The following DENND6A variants were observed in gnomAD, a reference collection of about 807,000 sequenced individuals.
The protein encoded by DENND6A is protein DENND6A.
Under a neutral mutation model 95.5 loss-of-function variants are expected in DENND6A, and 43 were observed. The observed-to-expected ratio is 0.45, with a 90% CI of 0.35 to 0.58. The LOEUF is 0.58. Among genes scored for constraint, DENND6A ranks in the 20% least tolerant of loss-of-function variants. The pLI, the probability that DENND6A is intolerant of heterozygous loss-of-function variation, is 0.00. For synonymous variants in DENND6A, 257 were observed against 260.4 expected (o/e 0.99, Z 0.13); for missense variants, 574 against 736.0 (o/e 0.78, Z 2.55).
At position 57,689,037 on chromosome 3, in the gene DENND6A, C is replaced by T. The variant is rs557418218; in HGVS notation, c.237+3745G>A. ...TGCAGTGGCCCGATCTTACTGCAACCTCCACCTCCCAGGTTCAAGCGATTC... is the reference window on the plus strand; with the variant it reads ...TGCAGTGGCCCGATCTTACTGCAACTTCCACCTCCCAGGTTCAAGCGATTC... On this transcript the variant is annotated intron_variant, in intron 1 of 19. Transcript: ENST00000311128. 2.6e-5 allele frequency among the ~76,000 whole-genome samples: 4 copies of T among 152,178 alleles called. No homozygotes were observed. The East Asian group carries it at 7.7e-4, about 29-fold the overall frequency.
intron 5 of DENND6A, among the ~76,000 whole-genome samples, chr3:57,661,871 G>A (rs1367939391): frequency 6.6e-6 from 1 of 152,100 alleles, no homozygotes; most frequent in Non-Finnish European, 1.5e-5. Context: ...TCAGGAATTA[G>A]CCATATGAAC....
Position 57,693,003 on chromosome 3 carries a change from G to A in DENND6A, c.16C>T (p.Pro6Ser). The part of the protein sequence containing the change: MALRG[P>S]AGLGPGSRRP... The stretch of plus-strand genomic sequence containing the variant: ...CGAGAGCCGGGCCCCAAGCCCGCAG[G>A]GCCCCTCAAAGCCATCGGCCGCCCC... Residue 6 changes from proline (P) to serine (S), a missense_variant, in exon 1 of 20, where the codon CCT (proline) becomes TCT (serine). Coordinates refer to ENST00000311128, the MANE Select transcript of DENND6A (RefSeq NM_152678.3). 1 of 1,500,364 alleles carries A rather than the reference G, an allele frequency of 6.7e-7. No homozygotes were observed. The highest frequency in any genetic ancestry group is 8.8e-7 in the Non-Finnish European group (1 of 1,136,062). The allele number at this position is 1,500,364 out of a possible 1,614,324, so 92.9% of individuals were successfully genotyped here.
At chr3:57,655,530 T>C (rs533602667) in intron 9 of DENND6A, among the ~76,000 whole-genome samples, 1 of 152,310 alleles carries the variant, frequency 6.6e-6, no homozygotes, top group South Asian at 2.1e-4. Flanking sequence ...AGCATTGACA[T>C]GATGCCACAA....
chr3:57,678,604 T>G (rs2077130315), intron 1 of DENND6A, among the ~76,000 whole-genome samples: 1 of 152,184 alleles, frequency 6.6e-6, no homozygotes, highest in Admixed American at 6.5e-5. Flanking sequence ...AATTAGGTCA[T>G]GAGTGTAGAG....
At chr3:57,680,160 G>C (rs2077150238) in intron 1 of DENND6A, among the ~76,000 whole-genome samples, 1 of 152,130 alleles carries the variant, frequency 6.6e-6, no homozygotes, top group African/African-American at 2.4e-5. Context: ...TGGATCAAAG[G>C]CCTAAATGTA....
intron 14 of DENND6A, among the ~76,000 whole-genome samples, chr3:57,633,923 A>T (rs1249579816): frequency 6.6e-6 from 1 of 151,912 alleles, no homozygotes; most frequent in South Asian, 2.1e-4. Flanking sequence ...CTATAAAGAC[A>T]ATCTTTATTT....
chr3:57,654,302 A>G (rs2071278243), intron 9 of DENND6A, among the ~76,000 whole-genome samples: 1 of 152,140 alleles, frequency 6.6e-6, no homozygotes, highest in African/African-American at 2.4e-5. Context: ...CTTTTGAGAA[A>G]GATATAGTAT....
intron 9 of DENND6A, among the ~76,000 whole-genome samples, chr3:57,648,265 A>C (rs896086795): frequency 1.3e-5 from 2 of 152,192 alleles, no homozygotes; most frequent in Non-Finnish European, 2.9e-5. Context: ...GCTGCAATAC[A>C]TAAAATACTA....
intron 9 of DENND6A, among the ~76,000 whole-genome samples, chr3:57,654,268 T>G (rs1215158774): frequency 2.0e-5 from 3 of 152,104 alleles, no homozygotes. Flanking sequence ...AATTCACTTC[T>G]AAGAATTAAA....
intron 1 of DENND6A, among the ~76,000 whole-genome samples, chr3:57,674,499 T>C (rs544029222): frequency 1.3e-5 from 2 of 151,516 alleles, no homozygotes; most frequent in Non-Finnish European, 2.9e-5. Flanking sequence ...AACATGGTGG[T>C]ACATGCCTGT....
intron 9 of DENND6A, among the ~76,000 whole-genome samples, chr3:57,655,525 T>C (rs2153415086): frequency 6.6e-6 from 1 of 152,320 alleles, no homozygotes; most frequent in East Asian, 1.9e-4. Context: ...TTTTGAGCAT[T>C]GACATGATGC....
intron 5 of DENND6A, 36 bp from the exon 6 acceptor site, chr3:57,661,587 CTT>C: frequency 4.7e-6 from 7 of 1,481,720 alleles, no homozygotes; most frequent in Non-Finnish European, 6.4e-6. Flanking sequence ...TTAAAAATTG[CTT>C]TGTCATTCAT....
intron 4 of DENND6A, 68 bp downstream of exon 4, chr3:57,666,055 G>A (rs997637073): frequency 1.0e-5 from 13 of 1,296,702 alleles, no homozygotes; most frequent in Admixed American, 3.9e-5. Context: ...TGGTGTCAGC[G>A]GTAACTGAAT....
rs1575804768 is a variant in DENND6A, at chr3:57,625,641, A to T, written c.*2573T>A. 1 of 145,644 alleles carries T rather than the reference A, an allele frequency of 6.9e-6. No individual in the cohort carries two copies. The highest frequency in any genetic ancestry group is 2.5e-5 in the African/African-American group (1 of 40,058). 9.0% of individuals were successfully genotyped at this position (145,644 alleles called of 1,614,324 possible). On this transcript the variant is annotated 3_prime_UTR_variant, in exon 20 of 20. Coordinates refer to ENST00000311128, the MANE Select transcript of DENND6A (RefSeq NM_152678.3). ...GTTTACATAGTAACAAATTCTTCTT[A>T]AAAAAAAAAAGACAAATCTAAAAAT...
chr3:57,643,947 A>C (rs2071007662), intron 11 of DENND6A, among the ~76,000 whole-genome samples: 1 of 151,798 alleles, frequency 6.6e-6, no homozygotes. Context: ...TCAGGAGTTC[A>C]AGACCAGTCT....
chr3:57,677,102 G>A (rs2071723351), intron 1 of DENND6A, among the ~76,000 whole-genome samples: 1 of 152,174 alleles, frequency 6.6e-6, no homozygotes, highest in Admixed American at 6.5e-5. Flanking sequence ...AGAATTACAG[G>A]CATGAGCCAC....
intron 11 of DENND6A, among the ~76,000 whole-genome samples, chr3:57,642,743 G>A (rs145907708): frequency 0.024 from 3,710 of 152,142 alleles, 73 homozygotes; most frequent in Non-Finnish European, 0.032. Context: ...GGTGGCTCAC[G>A]CCTGTAATCC....
intron 1 of DENND6A, among the ~76,000 whole-genome samples, chr3:57,690,111 G>A (rs2077248190): frequency 6.6e-6 from 1 of 151,434 alleles, no homozygotes; most frequent in African/African-American, 2.4e-5. Flanking sequence ...TTGGGAGGCT[G>A]AGGCAGGTGT....
At chr3:57,657,629 C>A in intron 9 of DENND6A, 51 bp downstream of exon 9, 1 of 1,205,356 alleles carries the variant, frequency 8.3e-7, no homozygotes, top group Non-Finnish European at 1.2e-6. Flanking sequence ...AAATTAACAC[C>A]ACCACCACAA....
Sources: gnomAD v4.1 joint callset for allele counts (sites outside exome capture counted in the v4.1 genomes callset) on GRCh38, gnomAD v4.1.1 for gene constraint, MANE v1.5 for transcripts, NCBI Gene and HGNC (gene_info 2026-07-23, HGNC 2026-07-21) for gene names.